Variants in SUPT3H observed in about 807,000 individuals in gnomAD.
The protein encoded by SUPT3H is SPT3 homolog, SAGA and STAGA complex component.
A neutral mutation model predicts 44.3 loss-of-function variants in SUPT3H; 44 were observed. The ratio of observed to expected loss-of-function variants is 0.99; its 90% CI spans 0.78 to 1.28. The LOEUF (loss-of-function observed/expected upper bound fraction) is 1.28. Among genes scored for constraint, SUPT3H ranks in the 50% most tolerant of loss-of-function variants. The pLI is 0.00. For missense variants in SUPT3H, 380 were observed against 387.1 expected (o/e 0.98, Z 0.15); for synonymous variants, 124 against 125.6 (o/e 0.99, Z 0.09).
chr6:44,961,216 T>C (rs16872971), intron 7 of SUPT3H, among the ~76,000 whole-genome samples: 2,734 of 152,294 alleles, frequency 0.018, 101 homozygotes, highest in African/African-American at 0.062. Context: ...ACCACGAGGT[T>C]ACTAGTGTTA....
At chr6:45,288,838 CT>C (rs1779832435) in intron 2 of SUPT3H, among the ~76,000 whole-genome samples, 1 of 151,786 alleles carries the variant, frequency 6.6e-6, no homozygotes, top group Non-Finnish European at 1.5e-5. Context: ...AAAGAGAGAA[CT>C]TTTTGCCCAT....
At chr6:45,211,431 C>T (rs965591234) in intron 2 of SUPT3H, among the ~76,000 whole-genome samples, 4 of 152,048 alleles carry the variant, frequency 2.6e-5, no homozygotes, top group African/African-American at 7.2e-5. Flanking sequence ...CAGAATGACT[C>T]TAAATTCTAA....
intron 2 of SUPT3H, among the ~76,000 whole-genome samples, chr6:45,166,884 A>G (rs1562591606): frequency 1.3e-5 from 2 of 152,194 alleles, no homozygotes; most frequent in Non-Finnish European, 2.9e-5. Context: ...GCAAGTGTTG[A>G]CGAAGATATG....
At chr6:45,211,520 G>T (rs1053827869) in intron 2 of SUPT3H, among the ~76,000 whole-genome samples, 2 of 151,968 alleles carry the variant, frequency 1.3e-5, no homozygotes, top group African/African-American at 4.8e-5. Context: ...CATCTCCTTC[G>T]GTATTTGTCC....
chr6:45,294,917 G>GCCA, intron 2 of SUPT3H, among the ~76,000 whole-genome samples: 1 of 151,838 alleles, frequency 6.6e-6, no homozygotes. Flanking sequence ...TGACCATACT[G>GCCA]CCAAAAGCAA....
rs993339989 is a variant in SUPT3H at position 45,308,878 on chromosome 6, T to C, written c.101+56323A>G. ...CTATTCAGCTACTTTAAAACATGCATATAAGCTAGCTAGTCATTTTGAATA... is the reference window on the plus strand; with the variant it reads ...CTATTCAGCTACTTTAAAACATGCACATAAGCTAGCTAGTCATTTTGAATA... On this transcript the variant is annotated intron_variant, in intron 2 of 10. Coordinates refer to ENST00000371459, the MANE Select transcript of SUPT3H (RefSeq NM_003599.4). Among the ~76,000 whole-genome samples the C allele has an allele frequency of 7.3e-5, 11 of 151,172 alleles. 1 individual carries two copies. Among genetic ancestry groups the C allele is most frequent in the Admixed American group, 6.6e-4 (10 of 15,188 alleles).
chr6:44,893,024 G>A (rs1410108752), intron 10 of SUPT3H, among the ~76,000 whole-genome samples: 1 of 151,684 alleles, frequency 6.6e-6, no homozygotes, highest in African/African-American at 2.4e-5. Flanking sequence ...ATGTATGTAG[G>A]AATACAAAAA....
intron 6 of SUPT3H, among the ~76,000 whole-genome samples, chr6:44,980,533 TTTTC>T (rs940978795): frequency 1.3e-5 from 2 of 152,126 alleles, no homozygotes; most frequent in African/African-American, 2.4e-5. Flanking sequence ...GAAATGCAGA[TTTTC>T]TTTCTTTCTT....
chr6:45,041,489 T>C (rs1413089508), intron 3 of SUPT3H, among the ~76,000 whole-genome samples: 1 of 152,056 alleles, frequency 6.6e-6, no homozygotes, highest in South Asian at 2.1e-4. Context: ...GAAAGAGAAA[T>C]AAGAATGAAC....
At chr6:45,001,502 G>A (rs1484027272) in intron 6 of SUPT3H, among the ~76,000 whole-genome samples, 2 of 151,770 alleles carry the variant, frequency 1.3e-5, no homozygotes, top group African/African-American at 4.9e-5. Context: ...GTAAATTATG[G>A]ATGAAACTAA....
intron 3 of SUPT3H, among the ~76,000 whole-genome samples, chr6:45,090,828 C>T (rs951320316): frequency 2.0e-5 from 3 of 151,682 alleles, no homozygotes; most frequent in East Asian, 1.9e-4. Flanking sequence ...TATATGTGAA[C>T]CATAAACATT....
intron 2 of SUPT3H, among the ~76,000 whole-genome samples, chr6:45,217,089 T>C (rs1274026509): frequency 1.3e-5 from 2 of 152,168 alleles, no homozygotes; most frequent in African/African-American, 4.8e-5. Context: ...CAATGCCCCA[T>C]AGATACAATT....
chr6:45,062,867 G>A lies in SUPT3H; in HGVS notation c.187-42235C>T, dbSNP rs533545263. Among the ~76,000 whole-genome samples the A allele has an allele frequency of 5.3e-4, 80 of 152,168 alleles. No homozygotes were observed. In the South Asian group the frequency reaches 6.6e-3, roughly 13 times the overall value. On this transcript the variant is annotated intron_variant, in intron 3 of 10. Coordinates refer to ENST00000371459, the MANE Select transcript of SUPT3H (RefSeq NM_003599.4). ...GCAGTCTGAGATCAAACTGCAAGGC[G>A]GCAGCGAGGCTGGGGGAGGGGCGCC...
At chr6:45,007,646 A>C (rs1782897594) in intron 5 of SUPT3H, among the ~76,000 whole-genome samples, 1 of 151,880 alleles carries the variant, frequency 6.6e-6, no homozygotes, top group African/African-American at 2.4e-5. Context: ...TTGTCATCTA[A>C]TCCCAACTAT....
intron 11 of SUPT3H, among the ~76,000 whole-genome samples, chr6:44,816,480 A>C (rs1443538465): frequency 1.3e-5 from 2 of 152,218 alleles, no homozygotes; most frequent in Non-Finnish European, 2.9e-5. Flanking sequence ...CCTTATATCT[A>C]ATATTATTCA....
chr6:44,901,961 A>C lies in SUPT3H; in HGVS notation c.912+30692T>G, dbSNP rs545878902. ...GAAGGAGAAATAAAATCCTTTACAGACAAGCAAATGCTGAGAGATTTTGTC... is the reference window on the plus strand; with the variant it reads ...GAAGGAGAAATAAAATCCTTTACAGCCAAGCAAATGCTGAGAGATTTTGTC... On this transcript the variant is annotated intron_variant, in intron 10 of 10. Coordinates refer to ENST00000371459, the MANE Select transcript of SUPT3H (RefSeq NM_003599.4). Among the ~76,000 whole-genome samples the C allele has an allele frequency of 1.4e-4, 21 of 152,334 alleles. No homozygotes were observed. In the South Asian group the frequency reaches 4.1e-3, roughly 30 times the overall value.
intron 2 of SUPT3H, among the ~76,000 whole-genome samples, chr6:45,299,065 G>A (rs2149911214): frequency 6.6e-6 from 1 of 152,192 alleles, no homozygotes. Flanking sequence ...TACATGAAGT[G>A]CCCAGGAGCA....
intron 3 of SUPT3H, among the ~76,000 whole-genome samples, chr6:45,028,467 A>C (rs574257763): frequency 5.4e-5 from 7 of 130,686 alleles, no homozygotes; most frequent in Admixed American, 2.3e-4. Flanking sequence ...TTTTTTTGAC[A>C]GTTCTCACCT....
At chr6:45,029,118 T>A (rs1177425195) in intron 3 of SUPT3H, among the ~76,000 whole-genome samples, 1 of 151,750 alleles carries the variant, frequency 6.6e-6, no homozygotes. Context: ...TTTTTGATGA[T>A]TGGTATTGTT....
Sources: gnomAD v4.1 joint callset for allele counts (sites outside exome capture counted in the v4.1 genomes callset) on GRCh38, gnomAD v4.1.1 for gene constraint, MANE v1.5 for transcripts, NCBI Gene and HGNC (gene_info 2026-07-23, HGNC 2026-07-21) for gene names.